INPP5A: variants seen among roughly 807,000 people sequenced by gnomAD.
INPP5A encodes inositol polyphosphate-5-phosphatase A, also known as 43 kDa inositol polyphosphate 5-phophatase.
In INPP5A, 14 loss-of-function variants were observed where a neutral mutation model predicts 65.2. The ratio of observed to expected loss-of-function variants is 0.21; its 90% CI spans 0.14 to 0.34. The LOEUF (loss-of-function observed/expected upper bound fraction) is 0.34. Among genes scored for constraint, INPP5A ranks in the 10% least tolerant of loss-of-function variants. The pLI, the probability that INPP5A is intolerant of heterozygous loss-of-function variation, is 1.00. For synonymous variants in INPP5A, 207 were observed against 208.3 expected (o/e 0.99, Z 0.05); for missense variants, 431 against 545.6 (o/e 0.79, Z 2.09).
At chr10:132,618,286 T>C (rs1160591716) in intron 2 of INPP5A, among the ~76,000 whole-genome samples, 3 of 152,232 alleles carry the variant, frequency 2.0e-5, no homozygotes, top group African/African-American at 2.4e-5. Context: ...AGTACTGACA[T>C]GAGTGTGCTT....
In INPP5A at chr10:132,753,611, C is replaced by T. The variant is rs546420620; in HGVS notation, c.903+3766C>T. 2.0e-4 allele frequency among the ~76,000 whole-genome samples: 31 copies of T among 152,242 alleles called. No homozygotes were observed. Among genetic ancestry groups the T allele is most frequent in the Non-Finnish European group, 3.8e-4 (26 of 68,022 alleles). ...GCTGTCAGGGCTGCAGGATGGAGTG[C>T]CCTGGTGAGGATTTGGAGAGATTAA... is the stretch of plus-strand genomic sequence containing the variant. On this transcript the variant is annotated intron_variant, in intron 11 of 15. Transcript: ENST00000368594. This position sits in a 1 kb window ranked among gnomAD's most constrained non-coding sequence, Gnocchi z 5.3.
intron 11 of INPP5A, among the ~76,000 whole-genome samples, chr10:132,764,158 TAGC>T (rs1358291801): frequency 6.6e-6 from 1 of 152,242 alleles, no homozygotes. Flanking sequence ...GTGGCTCAGG[TAGC>T]AGCCTGGCAC....
chr10:132,689,017 G>T (rs537127898), intron 4 of INPP5A, among the ~76,000 whole-genome samples: 7 of 151,628 alleles, frequency 4.6e-5, no homozygotes, highest in Non-Finnish European at 8.8e-5. Flanking sequence ...GTGCTTGTGC[G>T]TGAGTGCATA....
intron 8 of INPP5A, among the ~76,000 whole-genome samples, chr10:132,717,657 C>G (rs1469711327): frequency 6.8e-6 from 1 of 146,906 alleles, no homozygotes. Flanking sequence ...TCTGTGGTGC[C>G]TGGGTTCTGT....
intron 1 of INPP5A, among the ~76,000 whole-genome samples, chr10:132,578,577 A>AGTGTGCGGGGAGTCTCATCCAGGAGG (rs2071438985): frequency 7.7e-6 from 1 of 130,018 alleles, no homozygotes. Context: ...CTGTCAGGAG[A>AGTGTGCGGGGAGTCTCATCCAGGAGG]GTGTGCGGGG....
chr10:132,777,136 G>A (rs1162698705), intron 12 of INPP5A, among the ~76,000 whole-genome samples: 1 of 152,212 alleles, frequency 6.6e-6, no homozygotes, highest in African/African-American at 2.4e-5. Flanking sequence ...GTGAGTCGGG[G>A]ACAGTCACCC....
intron 9 of INPP5A, among the ~76,000 whole-genome samples, chr10:132,729,472 C>T (rs898536273): frequency 9.2e-5 from 14 of 152,304 alleles, no homozygotes; most frequent in East Asian, 3.9e-4. Flanking sequence ...CCCTGGACCC[C>T]GCCAGGGAGG....
rs757744783 is a variant in INPP5A at position 132,546,046 on chromosome 10, C to T, written c.75+7875C>T. Among the ~76,000 whole-genome samples the T allele has an allele frequency of 2.0e-5, 3 of 152,298 alleles. No homozygotes were observed. Among genetic ancestry groups the T allele is most frequent in the Non-Finnish European group, 2.9e-5 (2 of 68,026 alleles). On this transcript the variant is annotated intron_variant, in intron 1 of 15. Coordinates refer to ENST00000368594, the MANE Select transcript of INPP5A (RefSeq NM_005539.5). The surrounding 1 kb of genome is among the most constrained non-coding windows in gnomAD (Gnocchi z 5.7). The stretch of plus-strand genomic sequence containing the variant: ...GCTTGTGTACGGGGGCCGGCAGCAC[C>T]GTTGTGTTGGGATGAGTGGCCGAGG...
chr10:132,596,400 A>G (rs1385252750), intron 1 of INPP5A, among the ~76,000 whole-genome samples: 1 of 151,806 alleles, frequency 6.6e-6, no homozygotes, highest in Admixed American at 6.6e-5. Flanking sequence ...GAGGACACCC[A>G]AGTGTGTGTG....
chr10:132,615,623 G>T (rs1169124582), intron 2 of INPP5A, among the ~76,000 whole-genome samples: 2 of 152,244 alleles, frequency 1.3e-5, no homozygotes, highest in African/African-American at 2.4e-5. Flanking sequence ...TTCTGCCCCT[G>T]GTGAAGCAGC....
At chr10:132,758,698 G>A (rs1846676731) in intron 11 of INPP5A, among the ~76,000 whole-genome samples, 1 of 152,206 alleles carries the variant, frequency 6.6e-6, no homozygotes. Flanking sequence ...TATTGTCATG[G>A]ACTGTCTTAT....
rs895335185 is a variant in INPP5A at position 132,676,378 on chromosome 10, C to A, written c.307-14014C>A. On this transcript the variant is annotated intron_variant, in intron 4 of 15. Transcript: ENST00000368594. The surrounding 1 kb of genome is among the most constrained non-coding windows in gnomAD (Gnocchi z 4.0). ...CCGAGGCTGCTGTTGTCTGGCACAC[C>A]GTGAGTTCTGGGCCAGGACCTTTCC... Among the ~76,000 whole-genome samples, 1 of 152,174 alleles carries A rather than the reference C, an allele frequency of 6.6e-6. No homozygotes were observed. Among genetic ancestry groups the A allele is most frequent in the African/African-American group, 2.4e-5 (1 of 41,432 alleles).
At chr10:132,764,676 GAAACAC>G in intron 11 of INPP5A, among the ~76,000 whole-genome samples, 1 of 138,600 alleles carries the variant, frequency 7.2e-6, no homozygotes, top group Admixed American at 7.3e-5. Flanking sequence ...GTGACACTCA[GAAACAC>G]GGCCGGGTCA....
In INPP5A at chr10:132,644,581, G is replaced by A. The variant is rs761609234; in HGVS notation, c.118-1287G>A. The stretch of plus-strand genomic sequence containing the variant: ...GGCTCACAGTGAGTGCCGTGTCGTC[G>A]TGAGCACCTCCAGGCTCCCAAGCCC... On this transcript the variant is annotated intron_variant, in intron 2 of 15. Transcript: ENST00000368594. This position sits in a 1 kb window ranked among gnomAD's most constrained non-coding sequence, Gnocchi z 6.5. Among the ~76,000 whole-genome samples, 1 of 152,204 alleles carries A rather than the reference G, an allele frequency of 6.6e-6. No individual in the cohort carries two copies. Among genetic ancestry groups the A allele is most frequent in the Non-Finnish European group, 1.5e-5 (1 of 68,050 alleles).
chr10:132,688,696 T>A (rs1437107023), intron 4 of INPP5A, among the ~76,000 whole-genome samples: 2 of 148,740 alleles, frequency 1.3e-5, no homozygotes. Flanking sequence ...TGAGTGCATG[T>A]GTGTGCAAGT....
At chr10:132,777,208 C>T (rs974809293) in intron 12 of INPP5A, among the ~76,000 whole-genome samples, 5 of 152,186 alleles carry the variant, frequency 3.3e-5, no homozygotes, top group Non-Finnish European at 2.9e-5. Flanking sequence ...GAGGTGGGAG[C>T]GGCGTTGGTC....
At chr10:132,583,388 G>A (rs909974549) in intron 1 of INPP5A, among the ~76,000 whole-genome samples, 1 of 152,168 alleles carries the variant, frequency 6.6e-6, no homozygotes, top group Non-Finnish European at 1.5e-5. Context: ...GCTTGAGGCC[G>A]TTCCTTTCTT....
At chr10:132,560,392 G>A (rs540253066) in intron 1 of INPP5A, among the ~76,000 whole-genome samples, 2 of 152,314 alleles carry the variant, frequency 1.3e-5, no homozygotes, top group South Asian at 4.1e-4. Flanking sequence ...AGCAGTGTCT[G>A]AGGGCTGCAG....
intron 11 of INPP5A, among the ~76,000 whole-genome samples, chr10:132,761,150 C>T (rs1041345264): frequency 2.0e-5 from 3 of 152,212 alleles, no homozygotes; most frequent in African/African-American, 7.2e-5. Context: ...GAGGTCATGG[C>T]GTCTTCGGGT....
Sources: allele counts gnomAD v4.1 joint callset (sites outside exome capture counted in the v4.1 genomes callset), GRCh38; gene constraint gnomAD v4.1.1; non-coding constraint Gnocchi (gnomAD v3.1); transcripts MANE v1.5; gene names NCBI Gene and HGNC (gene_info 2026-07-23, HGNC 2026-07-21).